Variants in PLEKHH2 observed in about 807,000 individuals in gnomAD.
The protein encoded by PLEKHH2 is pleckstrin homology domain-containing family H member 2.
In PLEKHH2, 129 loss-of-function variants were observed where a neutral mutation model predicts 187.9. The observed-to-expected ratio is 0.69, with a 90% CI of 0.59 to 0.79. The LOEUF is 0.79. PLEKHH2 is among the 30% of genes least tolerant of loss of function. The pLI is 0.00. For synonymous variants in PLEKHH2, 686 were observed against 605.6 expected (o/e 1.13, Z -1.95); for missense variants, 2,076 against 1,751.2 (o/e 1.19, Z -3.31).
intron 9 of PLEKHH2, 129 bp downstream of exon 9, chr2:43,704,185 T>A: frequency 1.7e-6 from 1 of 604,600 alleles, no homozygotes; most frequent in Non-Finnish European, 2.7e-6. Flanking sequence ...AGGAGGTGTT[T>A]AAAGGGTCAA....
intron 1 of PLEKHH2, among the ~76,000 whole-genome samples, chr2:43,637,900 C>A (rs953546647): frequency 6.6e-6 from 1 of 152,220 alleles, no homozygotes; most frequent in African/African-American, 2.4e-5. Context: ...GTGACCTACC[C>A]GGAAACCACT....
rs75181152 is a variant in PLEKHH2 at position 43,716,770 on chromosome 2, G to A, written c.2461-3899G>A. 3.7e-3 allele frequency among the ~76,000 whole-genome samples: 564 copies of A among 152,244 alleles called. 4 individuals carry two copies. The highest frequency in any genetic ancestry group is 0.013 in the African/African-American group (528 of 41,544). On this transcript the variant is annotated intron_variant, in intron 15 of 29. Transcript: ENST00000282406. ...TTTCAAGATGATATTTGAAATTAAT[G>A]TTTTATTATGGGCATTGCCAATGTA...
chr2:43,731,533 A>G lies in PLEKHH2; in HGVS notation c.2874A>G (p.Glu958=). The G allele has an allele frequency of 8.1e-6, 13 of 1,607,132 alleles. No individual in the cohort carries two copies. The highest frequency in any genetic ancestry group is 2.2e-5 in the East Asian group (1 of 44,814). The change falls in exon 19 of 30, where the codon GAA becomes GAG. Residue 958 remains glutamate, a synonymous_variant. Coordinates refer to ENST00000282406, the MANE Select transcript of PLEKHH2 (RefSeq NM_172069.4). ...ACCCCACTTTGTGTCACAGTAAAGAAGGAATCATTTCCCCTCTGACAACTC... is the reference window on the plus strand; with the variant it reads ...ACCCCACTTTGTGTCACAGTAAAGAGGGAATCATTTCCCCTCTGACAACTC... ...WRHPTLCHSK[E]GIISPLTTLP...
intron 2 of PLEKHH2, among the ~76,000 whole-genome samples, chr2:43,649,784 G>GGGC (rs1666374978): frequency 6.6e-6 from 1 of 152,006 alleles, no homozygotes; most frequent in Non-Finnish European, 1.5e-5. Flanking sequence ...CTTTCATGGG[G>GGGC]TCTGTGGGGG....
At chr2:43,650,726 A>T (rs113619535) in intron 2 of PLEKHH2, among the ~76,000 whole-genome samples, 1,721 of 150,472 alleles carry the variant, frequency 0.011, 25 homozygotes, top group African/African-American at 0.037. Flanking sequence ...ACTCACTGCA[A>T]CCTCCACCTC....
intron 19 of PLEKHH2, among the ~76,000 whole-genome samples, chr2:43,733,786 G>A (rs6760088): frequency 0.41 from 61,539 of 151,924 alleles, 14,639 homozygotes; most frequent in African/African-American, 0.66. Context: ...ATGGGTACAT[G>A]GGTGATTATT....
At chr2:43,753,949 T>C (rs780103217) in intron 25 of PLEKHH2, among the ~76,000 whole-genome samples, 189 bp downstream of exon 25, 2 of 152,198 alleles carry the variant, frequency 1.3e-5, no homozygotes, top group African/African-American at 2.4e-5. Context: ...TGATGTAGAA[T>C]GAGACAGTAT....
chr2:43,722,178 C>T (rs1670514214), intron 16 of PLEKHH2, among the ~76,000 whole-genome samples: 1 of 151,030 alleles, frequency 6.6e-6, no homozygotes. Context: ...ATTGCTTGAG[C>T]CCAGGAGATT....
intron 1 of PLEKHH2, among the ~76,000 whole-genome samples, chr2:43,642,234 T>C (rs950173230): frequency 3.9e-5 from 6 of 152,228 alleles, no homozygotes; most frequent in African/African-American, 1.2e-4. Context: ...GTTTTGATGC[T>C]ATTGTAAATG....
intron 3 of PLEKHH2, among the ~76,000 whole-genome samples, chr2:43,684,839 G>T (rs546966684): frequency 3.4e-5 from 5 of 149,186 alleles, no homozygotes; most frequent in Admixed American, 3.3e-4. Context: ...AAAAAAAAGA[G>T]AGAGAATTAC....
chr2:43,694,753 T>G (rs1181083787), intron 5 of PLEKHH2, among the ~76,000 whole-genome samples: 3 of 152,168 alleles, frequency 2.0e-5, no homozygotes, highest in Non-Finnish European at 4.4e-5. Context: ...AATAAGTTAA[T>G]TTTAGTTCTA....
intron 26 of PLEKHH2, 68 bp downstream of exon 26, chr2:43,757,332 CA>C: frequency 1.6e-6 from 2 of 1,231,314 alleles, no homozygotes; most frequent in Non-Finnish European, 2.1e-6. Context: ...TTTTTGTGTT[CA>C]AATTTTAAAG....
chr2:43,748,717 C>A (rs1316222497), intron 24 of PLEKHH2, among the ~76,000 whole-genome samples: 1 of 152,058 alleles, frequency 6.6e-6, no homozygotes, highest in Non-Finnish European at 1.5e-5. Flanking sequence ...AGCTCCTGGA[C>A]CTGGCCTGCC....
intron 9 of PLEKHH2, among the ~76,000 whole-genome samples, chr2:43,704,904 A>T (rs114803175): frequency 0.014 from 2,081 of 152,198 alleles, 24 homozygotes; most frequent in Admixed American, 0.017. Flanking sequence ...AATACACTCA[A>T]CTCTGATGTA....
At chr2:43,745,475 A>G (rs1572653715) in intron 23 of PLEKHH2, among the ~76,000 whole-genome samples, 1 of 152,188 alleles carries the variant, frequency 6.6e-6, no homozygotes, top group East Asian at 1.9e-4. Context: ...TCCATAAATT[A>G]TATGTCAAAT....
In PLEKHH2 at chr2:43,710,312, A is replaced by G; in HGVS notation, c.2196A>G (p.Leu732=). The change falls in exon 13 of 30, where the codon TTA becomes TTG. Residue 732 remains leucine, a synonymous_variant. Transcript: ENST00000282406. ...RRWFVLKGGE[L]LYYKSPSDVI... is the part of the protein sequence containing the mutation. ...GGTTTGTTCTTAAAGGTGGTGAATT[A>G]CTTTACTACAAATCTCCGGTGAGTG... 1 of 1,613,748 alleles carries G rather than the reference A, an allele frequency of 6.2e-7. No individual in the cohort carries two copies. Among genetic ancestry groups the G allele is most frequent in the Non-Finnish European group, 8.5e-7 (1 of 1,179,664 alleles).
intron 2 of PLEKHH2, among the ~76,000 whole-genome samples, chr2:43,659,155 A>ATTTTTTCTTTTTTT (rs1558433801): frequency 7.0e-6 from 1 of 142,796 alleles, no homozygotes; most frequent in African/African-American, 2.9e-5. Context: ...GTATATATAT[A>ATTTTTTCTTTTTTT]TTTTTTTCTT....
intron 18 of PLEKHH2, among the ~76,000 whole-genome samples, chr2:43,730,813 A>C (rs778149761): frequency 9.9e-5 from 15 of 152,210 alleles, no homozygotes; most frequent in Non-Finnish European, 2.1e-4. Context: ...GGAATTTAAT[A>C]AATGTTGATT....
At chr2:43,717,498 T>C (rs1328483161) in intron 15 of PLEKHH2, among the ~76,000 whole-genome samples, 1 of 151,710 alleles carries the variant, frequency 6.6e-6, no homozygotes, top group Non-Finnish European at 1.5e-5. Flanking sequence ...GTGGGAGGAA[T>C]TGGGAGGAAG....
Sources: gnomAD v4.1 joint callset for allele counts (sites outside exome capture counted in the v4.1 genomes callset) on GRCh38, gnomAD v4.1.1 for gene constraint, MANE v1.5 for transcripts, NCBI Gene and HGNC (gene_info 2026-07-23, HGNC 2026-07-21) for gene names.